The following IQSEC1 variants were observed in gnomAD, a reference collection of about 807,000 sequenced individuals.
The protein encoded by IQSEC1 is IQ motif and Sec7 domain ArfGEF 1.
A neutral mutation model predicts 91.0 loss-of-function variants in IQSEC1; 31 were observed. The ratio of observed to expected loss-of-function variants is 0.34; its 90% confidence interval spans 0.26 to 0.46. IQSEC1 has a LOEUF of 0.46. Ranked by LOEUF, IQSEC1 falls within the 20% of genes least tolerant of loss-of-function variation. IQSEC1 has a pLI of 1.00. For missense variants in IQSEC1, 1,388 were observed against 1,575.6 expected (o/e 0.88, Z 2.02); for synonymous variants, 699 against 662.6 (o/e 1.05, Z -0.84).
At chr3:13,111,512 C>CACCTG in intron 2 of IQSEC1, among the ~76,000 whole-genome samples, 1 of 152,344 alleles carries the variant, frequency 6.6e-6, no homozygotes, top group Middle Eastern at 3.4e-3. Flanking sequence ...TGCGGGTAAG[C>CACCTG]ACCTGACCCC....
chr3:13,228,898 A>G (rs1694800339), intron 1 of IQSEC1, among the ~76,000 whole-genome samples: 1 of 152,158 alleles, frequency 6.6e-6, no homozygotes, highest in Non-Finnish European at 1.5e-5. Flanking sequence ...GCTTCACCTC[A>G]GTTTAGTCTG....
At chr3:13,254,651 C>T (rs368748628) in intron 1 of IQSEC1, among the ~76,000 whole-genome samples, 3 of 152,234 alleles carry the variant, frequency 2.0e-5, no homozygotes, top group African/African-American at 7.2e-5. Flanking sequence ...ACACTTTCAA[C>T]GACACAGCTC....
At chr3:13,190,447 T>C (rs1217819945) in intron 1 of IQSEC1, among the ~76,000 whole-genome samples, 1 of 151,876 alleles carries the variant, frequency 6.6e-6, no homozygotes, top group Non-Finnish European at 1.5e-5. Context: ...TCCCAGCTAC[T>C]CGGGAAGCTG....
intron 1 of IQSEC1, among the ~76,000 whole-genome samples, chr3:13,253,448 C>T (rs1695234444): frequency 1.3e-5 from 2 of 152,160 alleles, no homozygotes; most frequent in Non-Finnish European, 1.5e-5. Flanking sequence ...TTGAGTGGTG[C>T]GGTGACACTG....
intron 1 of IQSEC1, among the ~76,000 whole-genome samples, chr3:13,039,691 G>A (rs1212916117): frequency 2.6e-5 from 4 of 152,232 alleles, no homozygotes; most frequent in Non-Finnish European, 5.9e-5. Flanking sequence ...TGGAGGAAAA[G>A]TGACTTTTCT....
At chr3:13,142,164 T>C (rs557952208) in intron 2 of IQSEC1, among the ~76,000 whole-genome samples, 85 of 152,352 alleles carry the variant, frequency 5.6e-4, no homozygotes, top group Non-Finnish European at 1.1e-3. Context: ...CGCAGCTCTA[T>C]GGCTGAAGAA....
Position 12,915,670 on chromosome 3 carries a change from T to A in IQSEC1, c.2084A>T (p.Lys695Met), listed in dbSNP as rs746124862. The change falls in exon 7 of 14, where the codon AAG becomes ATG. Residue 695 changes from lysine to methionine, a missense_variant. Transcript: ENST00000613206. ...MLMGIYERIR[K>M]RELKTNEDHV... is the part of the protein sequence containing the mutation. ...GTCCTCATTGGTCTTTAGCTCTCGC[T>A]TACGGATCCGTTCATAGATCCCCAT... The A allele has an allele frequency of 1.2e-6, 2 of 1,614,188 alleles. No homozygotes were observed. The highest frequency in any genetic ancestry group is 1.1e-5 in the South Asian group (1 of 91,084).
At chr3:12,971,561 T>C (rs1367487217) in intron 1 of IQSEC1, among the ~76,000 whole-genome samples, 1 of 152,136 alleles carries the variant, frequency 6.6e-6, no homozygotes, top group Non-Finnish European at 1.5e-5. Context: ...GACACAACAT[T>C]GTGATAGAAA....
At chr3:13,168,484 A>AG (rs1352934679) in intron 1 of IQSEC1, among the ~76,000 whole-genome samples, 1 of 152,116 alleles carries the variant, frequency 6.6e-6, no homozygotes, top group Non-Finnish European at 1.5e-5. Flanking sequence ...GGCCTTCAGC[A>AG]GCTCCCCAGT....
intron 1 of IQSEC1, among the ~76,000 whole-genome samples, chr3:13,258,369 C>CA (rs1378834468): frequency 6.6e-6 from 1 of 152,128 alleles, no homozygotes; most frequent in African/African-American, 2.4e-5. Context: ...ACAACAACAA[C>CA]AAAAAACCTT....
At chr3:13,278,253 C>A (rs938070960) in intron 1 of IQSEC1, among the ~76,000 whole-genome samples, 4 of 152,142 alleles carry the variant, frequency 2.6e-5, no homozygotes, top group African/African-American at 7.2e-5. Flanking sequence ...GGGCTTCCCC[C>A]CCCCACCCCC....
intron 1 of IQSEC1, among the ~76,000 whole-genome samples, chr3:13,000,317 A>G (rs192028820): frequency 2.6e-5 from 4 of 152,308 alleles, no homozygotes; most frequent in African/African-American, 9.6e-5. Flanking sequence ...TAGAAAGCTC[A>G]TGTCTCTTTG....
chr3:13,038,892 G>A (rs976214797), intron 1 of IQSEC1, among the ~76,000 whole-genome samples: 3 of 152,164 alleles, frequency 2.0e-5, no homozygotes, highest in African/African-American at 7.2e-5. Context: ...CACTTACTAT[G>A]TACCTACAGC....
At chr3:13,153,926 C>A (rs1313838009) in intron 2 of IQSEC1, among the ~76,000 whole-genome samples, 5 of 151,968 alleles carry the variant, frequency 3.3e-5, no homozygotes, top group Non-Finnish European at 4.4e-5. Context: ...GTGCCTGTGG[C>A]AAACTGGACG....
At chr3:13,111,688 G>T (rs1218545112) in intron 2 of IQSEC1, among the ~76,000 whole-genome samples, 1 of 152,114 alleles carries the variant, frequency 6.6e-6, no homozygotes, top group Non-Finnish European at 1.5e-5. Context: ...GAGTCCCCAT[G>T]ATGATATCAG....
intron 1 of IQSEC1, among the ~76,000 whole-genome samples, chr3:13,173,513 C>T (rs944834829): frequency 6.6e-6 from 1 of 152,216 alleles, no homozygotes; most frequent in Non-Finnish European, 1.5e-5. Flanking sequence ...AAGGCATGGA[C>T]CCTGAAGCAG....
At position 13,008,526 on chromosome 3, in the gene IQSEC1, T is replaced by C. The variant is rs114890659; in HGVS notation, c.23+64466A>G. ...TCCTTCTTGCTCTCAGTTCCCCTCCTCAGGGAGGCCCTCACTGACCACCGC... is the reference window on the plus strand; with the variant it reads ...TCCTTCTTGCTCTCAGTTCCCCTCCCCAGGGAGGCCCTCACTGACCACCGC... On this transcript the variant is annotated intron_variant, in intron 1 of 13. Coordinates refer to ENST00000613206, the MANE Select transcript of IQSEC1 (RefSeq NM_001134382.3). The surrounding 1 kb of genome is among the most constrained non-coding windows in gnomAD (Gnocchi z 4.1). Among the ~76,000 whole-genome samples the C allele has an allele frequency of 6.6e-6, 1 of 152,244 alleles. No individual in the cohort carries two copies. Among genetic ancestry groups the C allele is most frequent in the Non-Finnish European group, 1.5e-5 (1 of 68,004 alleles).
At chr3:13,063,529 A>G (rs1303839758) in intron 1 of IQSEC1, among the ~76,000 whole-genome samples, 2 of 152,112 alleles carry the variant, frequency 1.3e-5, no homozygotes, top group Admixed American at 1.3e-4. Context: ...CTGTTCTGCA[A>G]GCCCAGGGGA....
rs774287792 is a variant in IQSEC1, at chr3:12,897,698, G to C, written c.*3285C>G. 5.3e-5 allele frequency: 8 copies of C among 152,240 alleles called. No homozygotes were observed. Among genetic ancestry groups the C allele is most frequent in the East Asian group, 1.9e-4 (1 of 5,200 alleles). The allele number at this position is 152,240 out of a possible 1,614,324, so 9.4% of individuals were successfully genotyped here. ...ATTTTACAAGGAGAACTGTAAGACTGTGCGTGCTTACCTGCGGGCACAGAG... is the reference window on the plus strand; with the variant it reads ...ATTTTACAAGGAGAACTGTAAGACTCTGCGTGCTTACCTGCGGGCACAGAG... On this transcript the variant is annotated 3_prime_UTR_variant, in exon 14 of 14. Coordinates refer to ENST00000613206, the MANE Select transcript of IQSEC1 (RefSeq NM_001134382.3).
Sources: gnomAD v4.1 joint callset for allele counts (sites outside exome capture counted in the v4.1 genomes callset) on GRCh38, gnomAD v4.1.1 for gene constraint, Gnocchi (gnomAD v3.1) non-coding constraint, MANE v1.5 for transcripts, NCBI Gene and HGNC (gene_info 2026-07-23, HGNC 2026-07-21) for gene names.